Variants in MYT1L observed in about 807,000 individuals in gnomAD.
The protein encoded by MYT1L is myelin transcription factor 1 like, also known as myelin transcription factor 1-like protein.
MYT1L carries 12 observed loss-of-function variants against 126.7 expected under a neutral mutation model. The ratio of observed to expected loss-of-function variants is 0.09; its 90% CI spans 0.06 to 0.15. The LOEUF (loss-of-function observed/expected upper bound fraction) is 0.15. Ranked by LOEUF, MYT1L falls within the 10% of genes least tolerant of loss-of-function variation. The pLI, the probability that MYT1L is intolerant of heterozygous loss-of-function variation, is 1.00. For synonymous variants in MYT1L, 541 were observed against 604.2 expected (o/e 0.90, Z 1.53); for missense variants, 979 against 1,585.2 (o/e 0.62, Z 6.49).
chr2:2,084,575 C>T (rs537992024), intron 3 of MYT1L, among the ~76,000 whole-genome samples: 12 of 152,248 alleles, frequency 7.9e-5, no homozygotes, highest in Admixed American at 6.5e-5. Flanking sequence ...TCAGAGAAAC[C>T]GAGTCCTGGC....
At chr2:2,212,245 T>C (rs1403486321) in intron 2 of MYT1L, among the ~76,000 whole-genome samples, 1 of 111,786 alleles carries the variant, frequency 8.9e-6, no homozygotes, top group African/African-American at 3.7e-5. Flanking sequence ...TGAACACCAA[T>C]ATCTTAGAGT....
chr2:2,322,560 G>C (rs535062722), intron 1 of MYT1L, among the ~76,000 whole-genome samples: 2 of 151,476 alleles, frequency 1.3e-5, no homozygotes, highest in South Asian at 2.1e-4. Context: ...GGGGCTCCGT[G>C]AAGTGGAGAC....
chr2:2,122,556 T>G (rs2081174280), intron 3 of MYT1L, among the ~76,000 whole-genome samples: 1 of 152,210 alleles, frequency 6.6e-6, no homozygotes, highest in Admixed American at 6.5e-5. Context: ...AAGTAATTCA[T>G]GTACAGGGTC....
intron 2 of MYT1L, among the ~76,000 whole-genome samples, chr2:2,205,497 T>C (rs1220565796): frequency 6.6e-6 from 1 of 152,180 alleles, no homozygotes; most frequent in African/African-American, 2.4e-5. Flanking sequence ...GAATTATAAA[T>C]GTAATAATGC....
chr2:2,029,501 GA>G (rs1159945651), intron 4 of MYT1L, among the ~76,000 whole-genome samples: 1 of 152,138 alleles, frequency 6.6e-6, no homozygotes, highest in Non-Finnish European at 1.5e-5. Context: ...CAGTATGGGG[GA>G]AACCACTCCC....
At chr2:2,243,821 T>C (rs763339234) in intron 2 of MYT1L, among the ~76,000 whole-genome samples, 1 of 152,192 alleles carries the variant, frequency 6.6e-6, no homozygotes, top group African/African-American at 2.4e-5. Flanking sequence ...GATGACACAT[T>C]TCAGTATATG....
intron 9 of MYT1L, among the ~76,000 whole-genome samples, chr2:1,934,705 C>A (rs1017727392): frequency 6.7e-6 from 1 of 150,058 alleles, no homozygotes; most frequent in African/African-American, 2.5e-5. Flanking sequence ...CTCTCTTCCC[C>A]CTACCCCCTG....
intron 2 of MYT1L, among the ~76,000 whole-genome samples, chr2:2,267,656 G>A (rs572082079): frequency 6.6e-6 from 1 of 152,270 alleles, no homozygotes; most frequent in South Asian, 2.1e-4. Context: ...GTGGGAAGGT[G>A]CAACCAGCTA....
chr2:1,882,003 GTCTCTA>G (rs2047621602), intron 18 of MYT1L, among the ~76,000 whole-genome samples: 1 of 152,172 alleles, frequency 6.6e-6, no homozygotes, highest in Non-Finnish European at 1.5e-5. Flanking sequence ...GCAGTCGATT[GTCTCTA>G]CATCTCAACT....
chr2:2,187,988 G>C (rs1252330310), intron 2 of MYT1L, among the ~76,000 whole-genome samples: 1 of 151,972 alleles, frequency 6.6e-6, no homozygotes, highest in East Asian at 1.9e-4. Context: ...ATTTGCCTCT[G>C]TCTACCTTAA....
chr2:1,908,938 G>T (rs1484465214), intron 13 of MYT1L, among the ~76,000 whole-genome samples: 1 of 152,046 alleles, frequency 6.6e-6, no homozygotes, highest in African/African-American at 2.4e-5. Context: ...TCTTATTTTT[G>T]CTTAAATAAA....
rs1223458926 is a variant in MYT1L, at chr2:1,886,339, T to C, written c.2711+200A>G. ...ATGATATGAACAAGCTGGAGGTATG[T>C]CAGGGGAAAAGGCAGAATGGGTTGT... On this transcript the variant is annotated intron_variant, in intron 18 of 24. Transcript: ENST00000647738. 2.0e-4 allele frequency: 84 copies of C among 421,928 alleles called. 2 individuals are homozygous for C. In the East Asian group the frequency reaches 3.0e-3, roughly 15 times the overall value. The allele number at this position is 421,928 out of a possible 1,614,324, so 26.1% of individuals were successfully genotyped here.
chr2:1,860,025 T>C (rs1168074523), intron 18 of MYT1L, among the ~76,000 whole-genome samples: 2 of 152,246 alleles, frequency 1.3e-5, no homozygotes, highest in Admixed American at 6.5e-5. Flanking sequence ...TTCCCGACCA[T>C]GCAGCCTAGG....
chr2:1,867,205 G>C (rs866988448), intron 18 of MYT1L, among the ~76,000 whole-genome samples: 10 of 152,082 alleles, frequency 6.6e-5, no homozygotes, highest in Admixed American at 1.3e-4. Context: ...AAAAGGGTGT[G>C]GGGTGAGGGC....
In MYT1L at chr2:1,801,129, A is replaced by C. The variant is rs2034777706; in HGVS notation, c.3276+567T>G. ...CTCCATCTTAGAAGCTGTATGTTTA[A>C]GATGAGGCTGAGGACGTTTACCCTG... On this transcript the variant is annotated intron_variant, in intron 23 of 24. Coordinates refer to ENST00000647738, the MANE Select transcript of MYT1L (RefSeq NM_001303052.2). This position sits in a 1 kb window ranked among gnomAD's most constrained non-coding sequence, Gnocchi z 4.2. The C allele has an allele frequency of 6.6e-6, 1 of 152,642 alleles. No homozygotes were observed. The highest frequency in any genetic ancestry group is 1.5e-5 in the Non-Finnish European group (1 of 68,398). 9.5% of individuals were successfully genotyped at this position (152,642 alleles called of 1,614,324 possible).
intron 10 of MYT1L, among the ~76,000 whole-genome samples, chr2:1,920,894 C>T (rs13404264): frequency 0.12 from 18,180 of 152,284 alleles, 1,160 homozygotes; most frequent in East Asian, 0.27. Flanking sequence ...AACACTGCAA[C>T]GGGCAAAGCT....
intron 18 of MYT1L, among the ~76,000 whole-genome samples, chr2:1,877,797 T>TAAAAAAAA (rs67706403): frequency 6.6e-6 from 1 of 150,542 alleles, no homozygotes. Context: ...TCCTAAATTG[T>TAAAAAAAA]AGAAAAAAAA....
intron 3 of MYT1L, among the ~76,000 whole-genome samples, chr2:2,157,433 T>A (rs2086912706): frequency 6.6e-6 from 1 of 152,194 alleles, no homozygotes; most frequent in African/African-American, 2.4e-5. Flanking sequence ...ATTCTGGAGA[T>A]TTTTTGTCAC....
intron 1 of MYT1L, among the ~76,000 whole-genome samples, chr2:2,321,261 A>C (rs1573561394): frequency 6.6e-6 from 1 of 152,196 alleles, no homozygotes; most frequent in East Asian, 1.9e-4. Flanking sequence ...AGAGAAGCAC[A>C]GGGTCCACCG....
Sources: allele counts gnomAD v4.1 joint callset (sites outside exome capture counted in the v4.1 genomes callset), GRCh38; gene constraint gnomAD v4.1.1; non-coding constraint Gnocchi (gnomAD v3.1); transcripts MANE v1.5; gene names NCBI Gene and HGNC (gene_info 2026-07-23, HGNC 2026-07-21).